ZSCAN29: variants seen among roughly 807,000 people sequenced by gnomAD.
ZSCAN29 encodes zinc finger and SCAN domain containing 29.
A neutral mutation model predicts 71.9 loss-of-function variants in ZSCAN29; 55 were observed. That is an observed-to-expected ratio of 0.76 (90% CI 0.62 to 0.96). The LOEUF (loss-of-function observed/expected upper bound fraction) is 0.96. Among genes scored for constraint, ZSCAN29 ranks in the 40% least tolerant of loss-of-function variants. ZSCAN29 has a pLI of 0.00. For synonymous variants in ZSCAN29, 351 were observed against 371.6 expected, an observed-to-expected ratio of 0.94 and a Z score of 0.64; for missense variants, 1,042 against 1,042.2, an observed-to-expected ratio of 1.00 and a Z score of 0.00.
rs185468297 is a variant in ZSCAN29 at position 43,370,961 on chromosome 15, G to A, written c.-516C>T. 1 of 180,608 alleles carries A rather than the reference G, an allele frequency of 5.5e-6. No individual in the cohort carries two copies. The highest frequency in any genetic ancestry group is 1.1e-5 in the Non-Finnish European group (1 of 87,710). The allele number at this position is 180,608 out of a possible 1,614,324, so 11.2% of individuals were successfully genotyped here. On this transcript the variant is annotated 5_prime_UTR_variant, in exon 1 of 6. Transcript: ENST00000684362. ...GCCTCCGGGCCAGCCTCACCCACTC[G>A]GGGTCCGACCCTGACCCCGGCCCCG...
chr15:43,367,988 A>C (rs940745490), intron 3 of ZSCAN29, among the ~76,000 whole-genome samples: 1 of 152,214 alleles, frequency 6.6e-6, no homozygotes, highest in African/African-American at 2.4e-5. Flanking sequence ...GTACAAGAAT[A>C]ATCAACTAGG....
At position 43,369,640 on chromosome 15, in the gene ZSCAN29, G is replaced by C. The variant is rs760234602; in HGVS notation, c.274C>G (p.Leu92Val). The C allele has an allele frequency of 6.2e-7, 1 of 1,614,014 alleles. No homozygotes were observed. The highest frequency in any genetic ancestry group is 2.2e-5 in the East Asian group (1 of 44,878). ...GGCTCTCTTTCTAAATCTTCCACGA[G>C]AGTCACTGCCTCCTCTCCATTTTCT... The part of the protein sequence containing the change: ...CPENGEEAVT[L>V]VEDLEREPGR... Residue 92 changes from leucine (L) to valine (V), a missense_variant, in exon 2 of 6, where the codon CTC becomes GTC. By Grantham distance (32) the Leu-to-Val change is conservative. Transcript: ENST00000684362.
Position 43,366,465 on chromosome 15 carries a change from A to G in ZSCAN29, c.867T>C (p.Tyr289=), listed in dbSNP as rs753926456. Residue 289 remains tyrosine (Y), a synonymous_variant, in exon 4 of 6, where the codon TAT becomes TAC. Coordinates refer to ENST00000684362, the MANE Select transcript of ZSCAN29 (RefSeq NM_001372080.1). ...YGAVAERLRE[Y]GFLRTLEQCR... is the part of the protein sequence containing the mutation. ...ACTGTTCCAGGGTCCGGAGGAAGCCATATTCCCTGAGCCGCTCAGCCACAG... is the reference window on the plus strand; with the variant it reads ...ACTGTTCCAGGGTCCGGAGGAAGCCGTATTCCCTGAGCCGCTCAGCCACAG... 8 of 1,614,168 alleles carry G rather than the reference A, an allele frequency of 5.0e-6. No homozygotes were observed. The Middle Eastern group carries it at 4.9e-4, about 100-fold the overall frequency.
Position 43,369,904 on chromosome 15 carries a change from T to G in ZSCAN29, c.10A>C (p.Lys4Gln). 1 of 1,598,204 alleles carries G rather than the reference T, an allele frequency of 6.3e-7. No homozygotes were observed. The highest frequency in any genetic ancestry group is 8.5e-7 in the Non-Finnish European group (1 of 1,174,104). The change falls in exon 2 of 6, where the codon AAA becomes CAA. Residue 4 changes from lysine (K) to glutamine (Q), a missense_variant. Physicochemically the swap from Lys to Gln is moderately conservative, Grantham distance 53. Transcript: ENST00000684362. MMAKSALRENGTNS... is the reference protein window; with the variant it reads MMAQSALRENGTNS... ...GTGCCATTCTCTCTTAGAGCTGATT[T>G]GGCCATCATTAATAGCAGAATGCAG... is the stretch of plus-strand genomic sequence containing the variant.
chr15:43,369,485 G>T, intron 2 of ZSCAN29, 111 bp downstream of exon 2: 1 of 1,253,192 alleles, frequency 8.0e-7, no homozygotes, highest in Non-Finnish European at 1.1e-6. Context: ...CAGACCAGAA[G>T]TATAAGCCTC....
At chr15:43,368,603 A>C (rs1373341332) in intron 3 of ZSCAN29, among the ~76,000 whole-genome samples, 1 of 151,080 alleles carries the variant, frequency 6.6e-6, no homozygotes, top group Non-Finnish European at 1.5e-5. Flanking sequence ...AATATAGTTT[A>C]ATTTGAAGAT....
In ZSCAN29 at chr15:43,360,819, C is replaced by A; in HGVS notation, c.*254G>T. On this transcript the variant is annotated 3_prime_UTR_variant, in exon 6 of 6. Transcript: ENST00000684362. The stretch of plus-strand genomic sequence containing the variant: ...GCTTATATTAAGGGAACACCATAGG[C>A]ACTGAGAGGGAAAAGATGTTATCCA... 1 of 468,834 alleles carries A rather than the reference C, an allele frequency of 2.1e-6. No homozygotes were observed. Among genetic ancestry groups the A allele is most frequent in the Non-Finnish European group, 3.8e-6 (1 of 261,900 alleles). The allele number at this position is 468,834 out of a possible 1,614,324, so 29.0% of individuals were successfully genotyped here.
chr15:43,363,848 T>G, intron 5 of ZSCAN29, 67 bp downstream of exon 5: 24 of 1,450,568 alleles, frequency 1.7e-5, no homozygotes, highest in Non-Finnish European at 1.9e-5. Context: ...CTCAATCAGA[T>G]GATATTTTTC....
In ZSCAN29 at chr15:43,370,796, C is replaced by T. The variant is rs1195756181; in HGVS notation, c.-351G>A. 6.5e-6 allele frequency: 1 copy of T among 153,230 alleles called. No homozygotes were observed. The highest frequency in any genetic ancestry group is 1.5e-5 in the Non-Finnish European group (1 of 68,692). The allele number at this position is 153,230 out of a possible 1,614,324, so 9.5% of individuals were successfully genotyped here. Reference sequence around the variant, plus strand: ...GATTCTGGCCTCTTTTGTCTCCGCTCCCTCCGGCCGGGTAACCCGGAGCCG... The same window carrying T: ...GATTCTGGCCTCTTTTGTCTCCGCTTCCTCCGGCCGGGTAACCCGGAGCCG... On this transcript the variant is annotated 5_prime_UTR_variant, in exon 1 of 6. Coordinates refer to ENST00000684362, the MANE Select transcript of ZSCAN29 (RefSeq NM_001372080.1).
rs755371545 is a variant in ZSCAN29 at position 43,369,005 on chromosome 15, C to G, written c.441G>C (p.Lys147Asn). ...GGTCTGGGCTTCTTGCCCTCTCTTTCTTGGGTACACCCCTGGGCTGGGGTT... is the reference window on the plus strand; with the variant it reads ...GGTCTGGGCTTCTTGCCCTCTCTTTGTTGGGTACACCCCTGGGCTGGGGTT... ...SVEPQPRGVP[K>N]KERARSPDLG... The change falls in exon 3 of 6, where the codon AAG (lysine) becomes AAC (asparagine). Residue 147 changes from lysine (K) to asparagine (N), a missense_variant. Physicochemically the swap from Lys to Asn is moderately conservative, Grantham distance 94. Transcript: ENST00000684362. The G allele has an allele frequency of 1.2e-6, 2 of 1,613,104 alleles. No homozygotes were observed. The highest frequency in any genetic ancestry group is 3.3e-5 in the Admixed American group (2 of 59,852).
chr15:43,361,520 T>G lies in ZSCAN29; in HGVS notation c.2112A>C (p.Lys704Asn). ...IRHRRIHTGE[K>N]PYKCLDCGKS... ...TTCCACAGTCAAGACATTTATAAGG[T>G]TTCTCTCCAGTGTGGATTCTCCGGT... Residue 704 changes from lysine to asparagine, a missense_variant, in exon 6 of 6, where the codon AAA becomes AAC. Lys to Asn is a moderately conservative substitution (Grantham distance 94, BLOSUM62 0). Transcript: ENST00000684362. The G allele has an allele frequency of 6.2e-7, 1 of 1,614,186 alleles. No individual in the cohort carries two copies. The highest frequency in any genetic ancestry group is 8.5e-7 in the Non-Finnish European group (1 of 1,180,026).
Position 43,364,238 on chromosome 15 carries a change from C to T in ZSCAN29, c.1367G>A (p.Arg456Lys). Residue 456 changes from arginine (R) to lysine (K), a missense_variant, in exon 5 of 6, where the codon AGG becomes AAG. By Grantham distance (26) the Arg-to-Lys change is conservative (BLOSUM62 2). Coordinates refer to ENST00000684362, the MANE Select transcript of ZSCAN29 (RefSeq NM_001372080.1). ...AERLWEYGFL[R>K]TPEQCRTKFK... ...CTTGGTCCGACACTGTTCTGGGGTC[C>T]TAAGAAAGCCATATTCCCATAACCT... The T allele has an allele frequency of 6.2e-7, 1 of 1,614,198 alleles. No homozygotes were observed. The highest frequency in any genetic ancestry group is 8.5e-7 in the Non-Finnish European group (1 of 1,180,046).
In ZSCAN29 at chr15:43,366,741, C is replaced by T. The variant is rs2044044199; in HGVS notation, c.591G>A (p.Leu197=). The T allele has an allele frequency of 6.2e-7, 1 of 1,614,222 alleles. No individual in the cohort carries two copies. The highest frequency in any genetic ancestry group is 8.5e-7 in the Non-Finnish European group (1 of 1,180,040). ...LEQGEPWIPD[L]LGSKEKELPS... ...GAAGTTCTTTCTCCTTAGAGCCCAG[C>T]AGATCTGGGATCCATGGCTCTCCTT... Residue 197 remains leucine, a synonymous_variant, in exon 4 of 6, where the codon CTG becomes CTA. Transcript: ENST00000684362.
chr15:43,366,019 C>G, intron 4 of ZSCAN29, 91 bp downstream of exon 4: 1 of 1,325,568 alleles, frequency 7.5e-7, no homozygotes, highest in East Asian at 2.3e-5. Flanking sequence ...AGTGGCAAAG[C>G]TGGCATGTGA....
At position 43,369,630 on chromosome 15, in the gene ZSCAN29, T is replaced by C; in HGVS notation, c.284A>G (p.Asp95Gly). The C allele has an allele frequency of 6.2e-7, 1 of 1,613,940 alleles. No homozygotes were observed. The highest frequency in any genetic ancestry group is 8.5e-7 in the Non-Finnish European group (1 of 1,179,878). The change falls in exon 2 of 6, where the codon GAT becomes GGT. Residue 95 changes from aspartate to glycine, a missense_variant. Physicochemically the swap from Asp to Gly is moderately conservative, Grantham distance 94 (BLOSUM62 -1). Coordinates refer to ENST00000684362, the MANE Select transcript of ZSCAN29 (RefSeq NM_001372080.1). ...AGGTCTTCCAGGCTCTCTTTCTAAA[T>C]CTTCCACGAGAGTCACTGCCTCCTC... ...NGEEAVTLVE[D>G]LEREPGRPRS...
Position 43,361,399 on chromosome 15 carries a change from G to T in ZSCAN29, c.2233C>A (p.Gln745Lys), listed in dbSNP as rs1296111851. ...TGGTGAATGATAAGGCTTGAGCTCTGATTGAAGCATTTCCCACACTCACCA... is the reference window on the plus strand; with the variant it reads ...TGGTGAATGATAAGGCTTGAGCTCTTATTGAAGCATTTCCCACACTCACCA... The part of the protein sequence containing the change: ...QCGECGKCFN[Q>K]SSSLIIHQRT... Residue 745 changes from glutamine to lysine, a missense_variant, in exon 6 of 6, where the codon CAG becomes AAG. Transcript: ENST00000684362. 6 of 1,613,732 alleles carry T rather than the reference G, an allele frequency of 3.7e-6. No homozygotes were observed. Among genetic ancestry groups the T allele is most frequent in the Non-Finnish European group, 5.1e-6 (6 of 1,179,970 alleles).
chr15:43,368,525 C>CAA (rs759913932), intron 3 of ZSCAN29, among the ~76,000 whole-genome samples: 372 of 10,278 alleles, frequency 0.036, 43 homozygotes, highest in Non-Finnish European at 0.039. Flanking sequence ...GACTCCGTCT[C>CAA]AAAAAAAAAA....
chr15:43,361,618 G>A lies in ZSCAN29; in HGVS notation c.2014C>T (p.His672Tyr), dbSNP rs374146791. Residue 672 changes from histidine (H) to tyrosine (Y), a missense_variant, in exon 6 of 6, where the codon CAC (histidine) becomes TAC (tyrosine). Coordinates refer to ENST00000684362, the MANE Select transcript of ZSCAN29 (RefSeq NM_001372080.1). ...CATTTATATGGATTTTCCACCTGGTGGGATACCTGATGCATGAGAAGGGAG... is the reference window on the plus strand; with the variant it reads ...CATTTATATGGATTTTCCACCTGGTAGGATACCTGATGCATGAGAAGGGAG... Reference protein sequence around the residue: ...PNSLLMHQVSHQVENPYKCAD... With the variant: ...PNSLLMHQVSYQVENPYKCAD... 2 of 1,614,066 alleles carry A rather than the reference G, an allele frequency of 1.2e-6. No individual in the cohort carries two copies. Among genetic ancestry groups the A allele is most frequent in the Non-Finnish European group, 1.7e-6 (2 of 1,180,038 alleles).
rs1403550779 is a variant in ZSCAN29 at position 43,368,908 on chromosome 15, G to C, written c.523+15C>G. 1 of 1,566,948 alleles carries C rather than the reference G, an allele frequency of 6.4e-7. No individual in the cohort carries two copies. The highest frequency in any genetic ancestry group is 1.4e-5 in the African/African-American group (1 of 73,266). ...GGAATGGCAGTCTATCTTCCCATAT[G>C]AATCTACTCCTCACCGCTCCTTTGA... On this transcript the variant is annotated intron_variant, in intron 3 of 5. Coordinates refer to ENST00000684362, the MANE Select transcript of ZSCAN29 (RefSeq NM_001372080.1).
Sources: gnomAD v4.1 joint callset for allele counts (sites outside exome capture counted in the v4.1 genomes callset) on GRCh38, gnomAD v4.1.1 for gene constraint, MANE v1.5 for transcripts, NCBI Gene and HGNC (gene_info 2026-07-23, HGNC 2026-07-21) for gene names.